Variants in IL17RA observed in about 807,000 individuals in gnomAD.
IL17RA encodes the protein interleukin-17 receptor A.
IL17RA carries 34 observed loss-of-function variants against 50.4 expected under a neutral mutation model. The observed-to-expected ratio is 0.67, with a 90% CI of 0.51 to 0.90. The LOEUF is 0.90. Among genes scored for constraint, IL17RA ranks in the 40% least tolerant of loss-of-function variants. IL17RA has a pLI of 0.00. For synonymous variants in IL17RA, 585 were observed against 510.4 expected (o/e 1.15, Z -1.97); for missense variants, 1,276 against 1,169.8 (o/e 1.09, Z -1.32).
In IL17RA at chr22:17,109,311, G is replaced by A. The variant is rs752933178; in HGVS notation, c.2092G>A (p.Gly698Arg). 4.6e-6 allele frequency: 7 copies of A among 1,534,132 alleles called. 1 individual carries two copies. In the South Asian group the frequency reaches 7.2e-5, roughly 16 times the overall value. ...TGCCGCAGTCCGGCTGGCACTGGCG[G>A]GGGAGGGCGAGGCCTGCCCGCTGCT... is the stretch of plus-strand genomic sequence containing the variant. ...DGAAVRLALA[G>R]EGEACPLLGS... Residue 698 changes from glycine (G) to arginine (R), a missense_variant, in exon 13 of 13, where the codon GGG becomes AGG. Physicochemically the swap from Gly to Arg is moderately radical, Grantham distance 125 (BLOSUM62 -2). Transcript: ENST00000319363.
chr22:17,087,608 T>C (rs944475383), intron 1 of IL17RA, among the ~76,000 whole-genome samples: 1 of 152,192 alleles, frequency 6.6e-6, no homozygotes, highest in African/African-American at 2.4e-5. Context: ...AGACCAACCA[T>C]AGCAATGGTT....
At chr22:17,092,004 GATGGGGGCTGGTCCCGGGA>G (rs2061349822) in intron 1 of IL17RA, among the ~76,000 whole-genome samples, 1 of 152,184 alleles carries the variant, frequency 6.6e-6, no homozygotes, top group Non-Finnish European at 1.5e-5. Flanking sequence ...GCAGCTTCAG[GATGGGGGCTGGTCCCGGGA>G]AGCAAGTTAG....
chr22:17,085,813 G>A (rs1317476145), intron 1 of IL17RA, among the ~76,000 whole-genome samples: 1 of 152,170 alleles, frequency 6.6e-6, no homozygotes, highest in Non-Finnish European at 1.5e-5. Context: ...GCGGCCCCCA[G>A]AGGGACCCCG....
rs1168226452 is a variant in IL17RA at position 17,113,310 on chromosome 22, C to G, written c.*3490C>G. The G allele has an allele frequency of 6.6e-6, 1 of 152,366 alleles. No homozygotes were observed. The highest frequency in any genetic ancestry group is 1.5e-5 in the Non-Finnish European group (1 of 68,160). 9.4% of individuals were successfully genotyped at this position (152,366 alleles called of 1,614,324 possible). On this transcript the variant is annotated 3_prime_UTR_variant, in exon 13 of 13. Transcript: ENST00000319363. ...CCAGGCTCAAGCCATCTTTCCACCT[C>G]AGCCTGCCAGTGGCTAGAACTACAG...
intron 4 of IL17RA, 143 bp downstream of exon 4, chr22:17,099,030 G>A (rs1050232955): frequency 5.0e-5 from 37 of 741,616 alleles, no homozygotes; most frequent in Non-Finnish European, 7.2e-5. Context: ...GGCAGCCTGA[G>A]ATGGGCAGAA....
chr22:17,096,750 G>A (rs2038600967), intron 1 of IL17RA, among the ~76,000 whole-genome samples: 1 of 151,756 alleles, frequency 6.6e-6, no homozygotes. Flanking sequence ...GGCGCCTGTA[G>A]TCCCAGCTAC....
intron 1 of IL17RA, 150 bp from the exon 2 acceptor site, chr22:17,096,912 G>A: frequency 1.3e-6 from 1 of 748,266 alleles, no homozygotes. Flanking sequence ...GCCATCCCCT[G>A]GACTCACTCC....
chr22:17,090,573 T>A (rs1173026892), intron 1 of IL17RA, among the ~76,000 whole-genome samples: 1 of 152,180 alleles, frequency 6.6e-6, no homozygotes, highest in Non-Finnish European at 1.5e-5. Flanking sequence ...TTTAGTTAAT[T>A]CTTCTGAGAT....
At position 17,113,863 on chromosome 22, in the gene IL17RA, G is replaced by C. The variant is rs1008065688; in HGVS notation, c.*4043G>C. The C allele has an allele frequency of 6.6e-6, 1 of 152,250 alleles. No homozygotes were observed. The highest frequency in any genetic ancestry group is 2.4e-5 in the African/African-American group (1 of 41,456). 9.4% of individuals were successfully genotyped at this position (152,250 alleles called of 1,614,324 possible). On this transcript the variant is annotated 3_prime_UTR_variant, in exon 13 of 13. Coordinates refer to ENST00000319363, the MANE Select transcript of IL17RA (RefSeq NM_014339.7). ...CTCATCTGTAAAGTGGGTGGGGCAG[G>C]AGTTCCCACCTCATGGGGTCCTGGC... is the stretch of plus-strand genomic sequence containing the variant.
rs757752753 is a variant in IL17RA at position 17,085,145 on chromosome 22, G to A, written c.54G>A (p.Leu18=). Residue 18 remains leucine (L), a synonymous_variant, in exon 1 of 13, where the codon CTG becomes CTA. Transcript: ENST00000319363. ...PSAVPGPLLG[L]LLLLLGVLAP... ...CTGTCCCGGGGCCCCTGCTGGGGCT[G>A]CTCCTGCTGCTCCTGGGCGTGCTGG... The A allele has an allele frequency of 4.0e-6, 6 of 1,508,104 alleles. No individual in the cohort carries two copies. Among genetic ancestry groups the A allele is most frequent in the South Asian group, 1.2e-5 (1 of 80,834 alleles). The allele number at this position is 1,508,104 out of a possible 1,614,324, so 93.4% of individuals were successfully genotyped here.
Position 17,097,791 on chromosome 22 carries a change from T to C in IL17RA, c.164-6T>C. On this transcript the variant is annotated splice_polypyrimidine_tract_variant and splice_region_variant and intron_variant, in intron 2 of 12. Transcript: ENST00000319363. ...TCTCTGAATGTTGCTTTTCCCTGGC[T>C]GCCAGGTACCTGCCTGGATGACAGC... 1 of 1,614,158 alleles carries C rather than the reference T, an allele frequency of 6.2e-7. No homozygotes were observed. Among genetic ancestry groups the C allele is most frequent in the Non-Finnish European group, 8.5e-7 (1 of 1,180,044 alleles).
chr22:17,109,845 G>T lies in IL17RA; in HGVS notation c.*25G>T. ...AGGGCGGCTCCCCAGGGACCGCCCA[G>T]ATCCCAGCTTTGAGAGAGGAGTGTG... On this transcript the variant is annotated 3_prime_UTR_variant, in exon 13 of 13. Transcript: ENST00000319363. 1 of 1,545,302 alleles carries T rather than the reference G, an allele frequency of 6.5e-7. No individual in the cohort carries two copies. Among genetic ancestry groups the T allele is most frequent in the Non-Finnish European group, 8.7e-7 (1 of 1,145,060 alleles).
chr22:17,094,672 T>TCTCTCTCTCTCTCC (rs1357525273), intron 1 of IL17RA, among the ~76,000 whole-genome samples: 14 of 54,446 alleles, frequency 2.6e-4, no homozygotes, highest in South Asian at 5.3e-4. Context: ...TCTCTCTCTC[T>TCTCTCTCTCTCTCC]CTCTCTCTCT....
rs2061370899 is a variant in IL17RA, at chr22:17,097,059, C to T, written c.139-3C>T. On this transcript the variant is annotated splice_region_variant and splice_polypyrimidine_tract_variant and intron_variant, in intron 1 of 12. Transcript: ENST00000319363. The stretch of plus-strand genomic sequence containing the variant: ...TGTAATAACCACCCTCTTTTTTCCA[C>T]AGGGGCTAAACTGCACGGTCAAGAA... 6.2e-7 allele frequency: 1 copy of T among 1,613,350 alleles called. No individual in the cohort carries two copies. Among genetic ancestry groups the T allele is most frequent in the Non-Finnish European group, 8.5e-7 (1 of 1,179,476 alleles).
intron 4 of IL17RA, 67 bp from the exon 5 acceptor site, chr22:17,100,288 T>C (rs2061385914): frequency 1.2e-6 from 2 of 1,603,294 alleles, no homozygotes; most frequent in African/African-American, 1.3e-5. Context: ...AACGGGGGTC[T>C]TTGGGCATAG....
intron 2 of IL17RA, 115 bp from the exon 3 acceptor site, chr22:17,097,682 G>A (rs1309622784): frequency 5.3e-6 from 7 of 1,310,866 alleles, no homozygotes. Flanking sequence ...AGGGCCACAG[G>A]CTGGAAGGCC....
chr22:17,103,446 G>T, intron 7 of IL17RA, 48 bp from the exon 8 acceptor site: 1 of 1,518,242 alleles, frequency 6.6e-7, no homozygotes, highest in Non-Finnish European at 9.1e-7. Context: ...TACCCAACTA[G>T]CCTTACCCAT....
chr22:17,103,708 G>A, intron 8 of IL17RA, 131 bp downstream of exon 8: 1 of 751,966 alleles, frequency 1.3e-6, no homozygotes, highest in Non-Finnish European at 2.2e-6. Flanking sequence ...GGTGGAGAGA[G>A]TGGTGTGGAC....
intron 4 of IL17RA, 127 bp from the exon 5 acceptor site, chr22:17,100,228 T>C (rs541594042): frequency 1.4e-4 from 160 of 1,104,176 alleles, no homozygotes; most frequent in Non-Finnish European, 2.0e-4. Flanking sequence ...GATTTTGCTG[T>C]GGTTGTTGCT....
Sources: gnomAD v4.1 joint callset for allele counts (sites outside exome capture counted in the v4.1 genomes callset) on GRCh38, gnomAD v4.1.1 for gene constraint, MANE v1.5 for transcripts, NCBI Gene and HGNC (gene_info 2026-07-23, HGNC 2026-07-21) for gene names.